GNAO1: variants seen among roughly 807,000 people sequenced by gnomAD.
GNAO1 encodes the protein G protein subunit alpha o1, also known as guanine nucleotide-binding protein G(o) subunit alpha.
For missense variants in GNAO1, 166 were observed against 478.7 expected (o/e 0.35, Z 6.10); for synonymous variants, 164 against 180.7 (o/e 0.91, Z 0.74).
chr16:56,192,820 G>A, intron 2 of GNAO1: 1 of 566,320 alleles, frequency 1.8e-6, no homozygotes, highest in Non-Finnish European at 3.2e-6. Flanking sequence ...CTCCTGGGTG[G>A]GTGTTTTTTG....
At chr16:56,263,160 G>C (rs780476770) in intron 2 of GNAO1, among the ~76,000 whole-genome samples, 2 of 152,220 alleles carry the variant, frequency 1.3e-5, no homozygotes, top group African/African-American at 2.4e-5. Flanking sequence ...TATTCAGTCC[G>C]CAAGGTGGAG....
intron 2 of GNAO1, among the ~76,000 whole-genome samples, chr16:56,251,444 A>G (rs2143456338): frequency 6.6e-6 from 1 of 152,368 alleles, no homozygotes; most frequent in African/African-American, 2.4e-5. Flanking sequence ...AAATGGTAAA[A>G]TAAACAACAT....
At chr16:56,343,874 A>G (rs1339460298) in intron 6 of GNAO1, 1 of 1,614,176 alleles carries the variant, frequency 6.2e-7, no homozygotes, top group African/African-American at 1.3e-5. Context: ...ACGGACACCA[A>G]CAACATCCAG....
chr16:56,344,867 T>C (rs2037847687), intron 6 of GNAO1: 5 of 985,486 alleles, frequency 5.1e-6, no homozygotes, highest in Non-Finnish European at 6.0e-6. Context: ...GGCTGGGGAT[T>C]CTGTGGTTGC....
intron 6 of GNAO1, among the ~76,000 whole-genome samples, chr16:56,348,422 T>C (rs1328087327): frequency 1.3e-5 from 2 of 152,212 alleles, no homozygotes; most frequent in Non-Finnish European, 2.9e-5. Context: ...CCGAGCCACC[T>C]TCCTGTCCTG....
At chr16:56,269,758 A>C (rs1567462949) in intron 2 of GNAO1, among the ~76,000 whole-genome samples, 1 of 152,152 alleles carries the variant, frequency 6.6e-6, no homozygotes, top group Non-Finnish European at 1.5e-5. Context: ...CATGTATCCC[A>C]ACAGCCTAGG....
intron 3 of GNAO1, among the ~76,000 whole-genome samples, chr16:56,293,476 C>T (rs577352050): frequency 2.6e-5 from 4 of 152,310 alleles, no homozygotes; most frequent in African/African-American, 7.2e-5. Context: ...CTGATATGAA[C>T]ATGCATGACA....
At chr16:56,347,969 C>G (rs1370844981) in intron 6 of GNAO1, 1 of 975,624 alleles carries the variant, frequency 1.0e-6, no homozygotes, top group Non-Finnish European at 1.2e-6. Flanking sequence ...CCTCCCCCAT[C>G]TAGGCGAGGT....
At chr16:56,328,949 G>C (rs1269271714) in intron 4 of GNAO1, 158 bp downstream of exon 4, 4 of 682,122 alleles carry the variant, frequency 5.9e-6, no homozygotes, top group African/African-American at 1.8e-5. Context: ...GAAGGAATGA[G>C]AAGGGGCCTC....
At position 56,354,022 on chromosome 16, in the gene GNAO1, C is replaced by T. The variant is rs2037947259; in HGVS notation, c.878-844C>T. ...GTCCTGGCCACTCGCTTAAGAACCACGCCTACTAATGATATGCTGCCAGCC... is the reference window on the plus strand; with the variant it reads ...GTCCTGGCCACTCGCTTAAGAACCATGCCTACTAATGATATGCTGCCAGCC... On this transcript the variant is annotated intron_variant, in intron 7 of 8. Transcript: ENST00000262493. The surrounding 1 kb of genome is among the most constrained non-coding windows in gnomAD (Gnocchi z 4.3). Among the ~76,000 whole-genome samples the T allele has an allele frequency of 6.6e-6, 1 of 152,238 alleles. No homozygotes were observed. Among genetic ancestry groups the T allele is most frequent in the African/African-American group, 2.4e-5 (1 of 41,466 alleles).
chr16:56,356,657 C>G lies in GNAO1; in HGVS notation c.*583C>G, dbSNP rs1163976088. The G allele has an allele frequency of 6.5e-6, 1 of 152,784 alleles. No individual in the cohort carries two copies. Among genetic ancestry groups the G allele is most frequent in the African/African-American group, 2.4e-5 (1 of 41,464 alleles). The allele number at this position is 152,784 out of a possible 1,614,324, so 9.5% of individuals were successfully genotyped here. ...TCGTATAGAAAAAGCACAGCTCTCA[C>G]TGGCCAGTAGCTGCCAAAAAGAACA... On this transcript the variant is annotated 3_prime_UTR_variant, in exon 9 of 9. Transcript: ENST00000262493.
chr16:56,192,756 A>G, intron 2 of GNAO1, 140 bp downstream of exon 2: 1 of 567,506 alleles, frequency 1.8e-6, no homozygotes, highest in Non-Finnish European at 3.3e-6. Flanking sequence ...ACACACCCCT[A>G]TATTTGACTC....
At chr16:56,289,520 A>C (rs1318918701) in intron 3 of GNAO1, among the ~76,000 whole-genome samples, 1 of 152,224 alleles carries the variant, frequency 6.6e-6, no homozygotes, top group Non-Finnish European at 1.5e-5. Context: ...CATCTGTGTC[A>C]AGGGTAACCA....
chr16:56,195,056 T>C (rs1456758921), intron 2 of GNAO1, among the ~76,000 whole-genome samples: 1 of 146,962 alleles, frequency 6.8e-6, no homozygotes, highest in Non-Finnish European at 1.5e-5. Context: ...GCATTTCTTC[T>C]CTTTCCCTTT....
chr16:56,326,480 C>T lies in GNAO1; in HGVS notation c.304-2151C>T, dbSNP rs2037633884. Among the ~76,000 whole-genome samples, 1 of 152,152 alleles carries T rather than the reference C, an allele frequency of 6.6e-6. No individual in the cohort carries two copies. The highest frequency in any genetic ancestry group is 2.4e-5 in the African/African-American group (1 of 41,426). On this transcript the variant is annotated intron_variant, in intron 3 of 8. Coordinates refer to ENST00000262493, the MANE Select transcript of GNAO1 (RefSeq NM_020988.3). This position sits in a 1 kb window ranked among gnomAD's most constrained non-coding sequence, Gnocchi z 4.8. ...ATCTGAGAAAAGGATTTGGGTGAGA[C>T]AAGGAGTTTATTTGGGAGGTCATTT...
chr16:56,274,340 G>A (rs1212828692), intron 2 of GNAO1, among the ~76,000 whole-genome samples: 8 of 152,228 alleles, frequency 5.3e-5, no homozygotes, highest in Admixed American at 5.2e-4. Context: ...CTGGGGTGGT[G>A]CACCAGTGGC....
chr16:56,289,606 G>A (rs1274643054), intron 3 of GNAO1, among the ~76,000 whole-genome samples: 3 of 152,318 alleles, frequency 2.0e-5, no homozygotes, highest in East Asian at 1.9e-4. Flanking sequence ...AAAGGCTCCC[G>A]GTGTGGGGAG....
chr16:56,204,506 A>C (rs1454786898), intron 2 of GNAO1, among the ~76,000 whole-genome samples: 1 of 152,140 alleles, frequency 6.6e-6, no homozygotes, highest in Non-Finnish European at 1.5e-5. Context: ...ACCCACAGGT[A>C]GCTCCAACTG....
intron 3 of GNAO1, among the ~76,000 whole-genome samples, chr16:56,277,365 A>C (rs1332892691): frequency 1.3e-5 from 2 of 152,116 alleles, no homozygotes; most frequent in Non-Finnish European, 2.9e-5. Context: ...GGGGGAGTGG[A>C]TGGGTCCATT....
Sources: allele counts gnomAD v4.1 joint callset (sites outside exome capture counted in the v4.1 genomes callset), GRCh38; gene constraint gnomAD v4.1.1; non-coding constraint Gnocchi (gnomAD v3.1); transcripts MANE v1.5; gene names NCBI Gene and HGNC (gene_info 2026-07-23, HGNC 2026-07-21).